Variants in MACROD2 observed in about 807,000 individuals in gnomAD.
MACROD2 encodes ADP-ribose glycohydrolase MACROD2.
Under a neutral mutation model 70.4 loss-of-function variants are expected in MACROD2, and 36 were observed. The observed-to-expected ratio is 0.51, with a 90% CI of 0.39 to 0.68. MACROD2 has a LOEUF of 0.68. Ranked by LOEUF, MACROD2 falls within the 30% of genes least tolerant of loss-of-function variation. The pLI, the probability that MACROD2 is intolerant of heterozygous loss-of-function variation, is 0.00. For missense variants in MACROD2, 496 were observed against 538.4 expected, an observed-to-expected ratio of 0.92 and a Z score of 0.78; for synonymous variants, 172 against 178.8, an observed-to-expected ratio of 0.96 and a Z score of 0.30.
chr20:15,066,422 CT>C (rs1180814946), intron 5 of MACROD2, among the ~76,000 whole-genome samples: 3 of 152,050 alleles, frequency 2.0e-5, no homozygotes, highest in Admixed American at 2.0e-4. Flanking sequence ...GTGTGAGCCA[CT>C]GCGCCCAGCC....
At chr20:14,744,650 G>T (rs2071776561) in intron 5 of MACROD2, among the ~76,000 whole-genome samples, 1 of 152,012 alleles carries the variant, frequency 6.6e-6, no homozygotes. Flanking sequence ...AACTTACTTT[G>T]GCTGATAGAA....
chr20:14,753,389 T>A (rs1056873791), intron 5 of MACROD2, among the ~76,000 whole-genome samples: 6 of 152,104 alleles, frequency 3.9e-5, no homozygotes, highest in Non-Finnish European at 8.8e-5. Flanking sequence ...ATAAAATATG[T>A]TCAATATATT....
At chr20:14,955,379 A>G (rs1395250041) in intron 5 of MACROD2, among the ~76,000 whole-genome samples, 1 of 148,916 alleles carries the variant, frequency 6.7e-6, no homozygotes, top group Non-Finnish European at 1.5e-5. Flanking sequence ...CTATAGTTAT[A>G]ATTTCCATCA....
chr20:15,837,311 G>T (rs2064124799), intron 8 of MACROD2, among the ~76,000 whole-genome samples: 1 of 152,162 alleles, frequency 6.6e-6, no homozygotes, highest in Non-Finnish European at 1.5e-5. Flanking sequence ...AAAAGAGAGA[G>T]AAATTCTGTG....
At chr20:15,332,103 T>G (rs770800731) in intron 6 of MACROD2, among the ~76,000 whole-genome samples, 1 of 151,502 alleles carries the variant, frequency 6.6e-6, no homozygotes, top group Non-Finnish European at 1.5e-5. Context: ...GTGTAGGAAA[T>G]GGGAAAAGTT....
At position 14,824,818 on chromosome 20, in the gene MACROD2, T is replaced by A. The variant is rs2072884188; in HGVS notation, c.418+139859T>A. ...TCTTTGGAGGCCATGAAAGAAACTT[T>A]CTGCCACATTTAAGTTCTCAGGCAG... On this transcript the variant is annotated intron_variant, in intron 5 of 17. Transcript: ENST00000684519. Among the ~76,000 whole-genome samples the A allele has an allele frequency of 1.3e-5, 2 of 152,132 alleles. 1 individual carries two copies. Among genetic ancestry groups the A allele is most frequent in the Non-Finnish European group, 2.9e-5 (2 of 68,002 alleles).
intron 5 of MACROD2, among the ~76,000 whole-genome samples, chr20:15,169,975 A>G (rs1432586028): frequency 1.3e-5 from 2 of 152,232 alleles, no homozygotes; most frequent in Non-Finnish European, 2.9e-5. Context: ...ATTAAGATCA[A>G]TCTATCTCTC....
intron 5 of MACROD2, among the ~76,000 whole-genome samples, chr20:15,184,264 G>C (rs948739902): frequency 6.6e-6 from 1 of 152,056 alleles, no homozygotes; most frequent in African/African-American, 2.4e-5. Flanking sequence ...TATCTTTAGG[G>C]GAAATACTGG....
intron 3 of MACROD2, among the ~76,000 whole-genome samples, chr20:14,208,430 C>T (rs761296916): frequency 6.6e-6 from 1 of 152,152 alleles, no homozygotes; most frequent in East Asian, 1.9e-4. Context: ...GGACTTTTCC[C>T]TGAAACCCAG....
chr20:14,760,816 G>A (rs2123752612), intron 5 of MACROD2, among the ~76,000 whole-genome samples: 1 of 151,980 alleles, frequency 6.6e-6, no homozygotes, highest in East Asian at 1.9e-4. Context: ...ACTTATTATT[G>A]TCACATTTTT....
At chr20:14,157,249 T>C (rs548568638) in intron 3 of MACROD2, among the ~76,000 whole-genome samples, 2 of 152,210 alleles carry the variant, frequency 1.3e-5, no homozygotes, top group African/African-American at 4.8e-5. Flanking sequence ...TTTTTTCTCT[T>C]TCATCCTCTT....
chr20:14,898,588 A>T (rs1365966282), intron 5 of MACROD2, among the ~76,000 whole-genome samples: 2 of 152,142 alleles, frequency 1.3e-5, no homozygotes, highest in South Asian at 2.1e-4. Flanking sequence ...TATGAAAATT[A>T]AAAAATTTCA....
chr20:15,439,614 C>A (rs1257938738), intron 7 of MACROD2, among the ~76,000 whole-genome samples: 1 of 152,132 alleles, frequency 6.6e-6, no homozygotes, highest in South Asian at 2.1e-4. Context: ...TAAGGCACAG[C>A]CTGAGGAATA....
chr20:14,073,657 A>G (rs1005490277), intron 2 of MACROD2, among the ~76,000 whole-genome samples: 6 of 152,224 alleles, frequency 3.9e-5, no homozygotes, highest in Non-Finnish European at 7.3e-5. Flanking sequence ...TAGGTAAGCT[A>G]TACAGGACAC....
chr20:14,692,366 G>A (rs186035864), intron 5 of MACROD2, among the ~76,000 whole-genome samples: 6 of 152,280 alleles, frequency 3.9e-5, no homozygotes, highest in Non-Finnish European at 8.8e-5. Context: ...ACTCTGACAC[G>A]TTCTTCTTTT....
At chr20:14,184,523 T>A (rs2081329355) in intron 3 of MACROD2, among the ~76,000 whole-genome samples, 1 of 151,892 alleles carries the variant, frequency 6.6e-6, no homozygotes. Flanking sequence ...TTTTTTTTGG[T>A]TCCATATGAA....
intron 5 of MACROD2, among the ~76,000 whole-genome samples, chr20:15,192,649 T>C (rs527651163): frequency 1.3e-5 from 2 of 152,314 alleles, no homozygotes; most frequent in East Asian, 3.9e-4. Flanking sequence ...ACATACATCC[T>C]GGATTACTCT....
At chr20:14,246,416 A>G (rs6033917) in intron 3 of MACROD2, among the ~76,000 whole-genome samples, 147,480 of 152,186 alleles carry the variant, frequency 0.97, 71,476 homozygotes, top group Admixed American at 0.99. Context: ...CGCCGAGGAA[A>G]TTCCTCCCTC....
intron 5 of MACROD2, among the ~76,000 whole-genome samples, chr20:15,226,204 C>T (rs2076904655): frequency 6.6e-6 from 1 of 152,100 alleles, no homozygotes; most frequent in Admixed American, 6.5e-5. Flanking sequence ...TGCAGAAGGT[C>T]ACGTAGCTGA....
Sources: allele counts gnomAD v4.1 joint callset (sites outside exome capture counted in the v4.1 genomes callset), GRCh38; gene constraint gnomAD v4.1.1; transcripts MANE v1.5; gene names NCBI Gene and HGNC (gene_info 2026-07-23, HGNC 2026-07-21).